RANBP17: variants seen among roughly 807,000 people sequenced by gnomAD.
RANBP17 encodes RAN binding protein 17.
Under a neutral mutation model 141.2 loss-of-function variants are expected in RANBP17, and 158 were observed. That is an observed-to-expected ratio of 1.12 (90% CI 0.98 to 1.28). The LOEUF is 1.28. Among genes scored for constraint, RANBP17 ranks in the 50% most tolerant of loss-of-function variants. The pLI, the probability that RANBP17 is intolerant of heterozygous loss-of-function variation, is 0.00. For missense variants in RANBP17, 1,438 were observed against 1,290.7 expected, an observed-to-expected ratio of 1.11 and a Z score of -1.75; for synonymous variants, 430 against 450.0, an observed-to-expected ratio of 0.96 and a Z score of 0.56.
intron 14 of RANBP17, among the ~76,000 whole-genome samples, chr5:171,094,998 C>T (rs78964192): frequency 0.046 from 7,015 of 152,162 alleles, 204 homozygotes; most frequent in East Asian, 0.12. Flanking sequence ...TCTCTTGGTC[C>T]CTCTGTGTTT....
rs1219529785 is a variant in RANBP17, at chr5:171,183,373, T to A, written c.1981T>A (p.Phe661Ile). The change falls in exon 18 of 28, where the codon TTC becomes ATC. Residue 661 changes from phenylalanine (F) to isoleucine (I), a missense_variant. Coordinates refer to ENST00000523189, the MANE Select transcript of RANBP17 (RefSeq NM_022897.5). ...GISDNHSLSD[F>I]RCRTTFYTAL... is the part of the protein sequence containing the mutation. ...CAGTGACAATCATAGTCTCAGCGAC[T>A]TCAGGTGTCGAACAACCTTCTACAC... 1 of 1,613,948 alleles carries A rather than the reference T, an allele frequency of 6.2e-7. No individual in the cohort carries two copies. Among genetic ancestry groups the A allele is most frequent in the Non-Finnish European group, 8.5e-7 (1 of 1,179,932 alleles).
At chr5:171,290,816 T>C (rs1183086817) in intron 25 of RANBP17, among the ~76,000 whole-genome samples, 1 of 152,202 alleles carries the variant, frequency 6.6e-6, no homozygotes, top group African/African-American at 2.4e-5. Context: ...GAAATTCCAC[T>C]GGGCTAGACC....
At chr5:170,921,554 T>G (rs1772466083) in intron 11 of RANBP17, among the ~76,000 whole-genome samples, 1 of 152,180 alleles carries the variant, frequency 6.6e-6, no homozygotes, top group Non-Finnish European at 1.5e-5. Context: ...TTGCTTAGGA[T>G]TGTCTTGGCT....
intron 13 of RANBP17, among the ~76,000 whole-genome samples, chr5:170,963,714 T>C (rs1319707940): frequency 6.6e-6 from 1 of 152,212 alleles, no homozygotes; most frequent in Non-Finnish European, 1.5e-5. Flanking sequence ...GCTCAGGCGA[T>C]AATGCTTGCT....
At chr5:170,900,276 C>A (rs1002187048) in intron 5 of RANBP17, among the ~76,000 whole-genome samples, 2 of 152,078 alleles carry the variant, frequency 1.3e-5, no homozygotes, top group Admixed American at 1.3e-4. Flanking sequence ...TCCATTTCTT[C>A]TAGATTTTCT....
chr5:171,190,284 T>C (rs891366812), intron 18 of RANBP17, among the ~76,000 whole-genome samples: 2 of 152,202 alleles, frequency 1.3e-5, no homozygotes, highest in African/African-American at 4.8e-5. Context: ...TTAGATGCTA[T>C]GTGCCCCAGG....
intron 12 of RANBP17, among the ~76,000 whole-genome samples, chr5:170,948,564 A>G (rs1262579939): frequency 6.6e-6 from 1 of 152,218 alleles, no homozygotes; most frequent in Admixed American, 6.5e-5. Flanking sequence ...AATTAAAGAT[A>G]TAAATAAACA....
intron 14 of RANBP17, among the ~76,000 whole-genome samples, chr5:171,159,790 G>A (rs1759190670): frequency 1.3e-5 from 2 of 151,836 alleles, no homozygotes; most frequent in Admixed American, 1.3e-4. Context: ...GGGCGTGGTG[G>A]CAGTCGCCTG....
chr5:170,929,744 C>G (rs1773195941), intron 12 of RANBP17, among the ~76,000 whole-genome samples: 2 of 152,158 alleles, frequency 1.3e-5, no homozygotes, highest in African/African-American at 4.8e-5. Context: ...GTAGTGTTTC[C>G]TCTTCCTCCT....
At chr5:171,156,135 A>G (rs184037545) in intron 14 of RANBP17, among the ~76,000 whole-genome samples, 2 of 152,194 alleles carry the variant, frequency 1.3e-5, no homozygotes, top group East Asian at 3.9e-4. Flanking sequence ...GATGTTCCTT[A>G]ATGTTTCCGA....
intron 14 of RANBP17, among the ~76,000 whole-genome samples, chr5:171,014,906 T>G (rs906478846): frequency 2.0e-5 from 3 of 152,092 alleles, no homozygotes; most frequent in African/African-American, 7.2e-5. Context: ...TGCCTACTGT[T>G]TTGGAAGATG....
chr5:171,296,121 G>A, intron 27 of RANBP17, 107 bp downstream of exon 27: 1 of 1,109,886 alleles, frequency 9.0e-7, no homozygotes, highest in Non-Finnish European at 1.3e-6. Flanking sequence ...TCCCTTTTCT[G>A]TTACACCTTG....
At chr5:171,139,729 G>T (rs1473508577) in intron 14 of RANBP17, among the ~76,000 whole-genome samples, 3 of 152,218 alleles carry the variant, frequency 2.0e-5, no homozygotes, top group African/African-American at 7.2e-5. Context: ...CTTGAATCCT[G>T]ACTCTTTTCT....
chr5:171,062,226 C>T (rs1186810842), intron 14 of RANBP17, among the ~76,000 whole-genome samples: 2 of 151,968 alleles, frequency 1.3e-5, no homozygotes, highest in Admixed American at 6.6e-5. Flanking sequence ...TGATTTTGCT[C>T]GTTAGTTGAT....
chr5:170,966,781 A>G (rs1369011200), intron 13 of RANBP17, among the ~76,000 whole-genome samples: 1 of 152,088 alleles, frequency 6.6e-6, no homozygotes, highest in African/African-American at 2.4e-5. Context: ...ACATGATTGT[A>G]TATCTAGAAA....
intron 3 of RANBP17, among the ~76,000 whole-genome samples, chr5:170,890,801 A>G (rs1769530184): frequency 1.3e-5 from 2 of 152,198 alleles, no homozygotes; most frequent in African/African-American, 4.8e-5. Flanking sequence ...TAACTTTATT[A>G]CAAGCTTGAC....
chr5:171,063,564 G>C (rs766086942), intron 14 of RANBP17, among the ~76,000 whole-genome samples: 2 of 152,186 alleles, frequency 1.3e-5, no homozygotes, highest in African/African-American at 4.8e-5. Flanking sequence ...GTGTCAGTCT[G>C]CCCCTACTAG....
chr5:170,966,196 G>A (rs1776548716), intron 13 of RANBP17, among the ~76,000 whole-genome samples: 2 of 151,934 alleles, frequency 1.3e-5, no homozygotes, highest in Non-Finnish European at 2.9e-5. Flanking sequence ...CATTTTATGA[G>A]GCCAGCATCA....
intron 12 of RANBP17, among the ~76,000 whole-genome samples, chr5:170,933,045 CT>C (rs1561904489): frequency 6.6e-6 from 1 of 152,022 alleles, no homozygotes; most frequent in Non-Finnish European, 1.5e-5. Context: ...TGGTCCTGGA[CT>C]TTTTTTGGTT....
Sources: allele counts gnomAD v4.1 joint callset (sites outside exome capture counted in the v4.1 genomes callset), GRCh38; gene constraint gnomAD v4.1.1; transcripts MANE v1.5; gene names NCBI Gene and HGNC (gene_info 2026-07-23, HGNC 2026-07-21).